The following MPRIP variants were observed in gnomAD, a reference collection of about 807,000 sequenced individuals.
The protein encoded by MPRIP is myosin phosphatase Rho-interacting protein.
In MPRIP, 59 loss-of-function variants were observed where a neutral mutation model predicts 234.9. The ratio of observed to expected loss-of-function variants is 0.25; its 90% CI spans 0.20 to 0.31. The LOEUF is 0.31. Among genes scored for constraint, MPRIP ranks in the 10% least tolerant of loss-of-function variants. The probability of loss-of-function intolerance (pLI) is 1.00; values close to 1 mark genes in which losing one functional copy is unlikely to be tolerated. For missense variants in MPRIP, 2,436 were observed against 3,071.0 expected, an observed-to-expected ratio of 0.79 and a Z score of 4.89; for synonymous variants, 1,144 against 1,263.9, an observed-to-expected ratio of 0.91 and a Z score of 2.01.
At chr17:17,073,121 AC>A (rs2089239092) in intron 1 of MPRIP, among the ~76,000 whole-genome samples, 1 of 151,184 alleles carries the variant, frequency 6.6e-6, no homozygotes, top group Admixed American at 6.6e-5. Context: ...CCAGGCAGCC[AC>A]TCCTCTGCTC....
chr17:17,164,147 G>T lies in MPRIP; in HGVS notation c.2556G>T (p.Arg852Ser), dbSNP rs1234736480. Residue 852 changes from arginine (R) to serine (S), a missense_variant, in exon 16 of 24, where the codon AGG becomes AGT. Transcript: ENST00000651222. ...VAASPSGAWQRLHRVNQDLQS... is the reference protein window; with the variant it reads ...VAASPSGAWQSLHRVNQDLQS... ...CCTCCCCATCGGGTGCCTGGCAGAG[G>T]CTCCATAGAGTCAACCAAGACCTTC... 7.7e-7 allele frequency: 1 copy of T among 1,304,236 alleles called. No individual in the cohort carries two copies. Among genetic ancestry groups the T allele is most frequent in the East Asian group, 5.5e-5 (1 of 18,032 alleles). 80.8% of individuals were successfully genotyped at this position (1,304,236 alleles called of 1,614,324 possible).
rs1171968265 is a variant in MPRIP at position 17,176,981 on chromosome 17, G to A, written c.6958-269G>A. ...GGCCTGGGCACTCAGGGCCACACCA[G>A]GCTGGTCGGGCAATCCCGGAACTGC... On this transcript the variant is annotated intron_variant, in intron 21 of 23. Transcript: ENST00000651222. 2.0e-5 allele frequency among the ~76,000 whole-genome samples: 3 copies of A among 152,232 alleles called. No homozygotes were observed. In the East Asian group the frequency reaches 5.8e-4, roughly 29 times the overall value.
intron 14 of MPRIP, among the ~76,000 whole-genome samples, chr17:17,159,622 A>G (rs2045818756): frequency 6.6e-6 from 1 of 152,228 alleles, no homozygotes; most frequent in South Asian, 2.1e-4. Context: ...CCCCCGAACT[A>G]TAAAATAAGA....
At chr17:17,157,129 A>G (rs907301222) in intron 13 of MPRIP, among the ~76,000 whole-genome samples, 1 of 152,186 alleles carries the variant, frequency 6.6e-6, no homozygotes, top group African/African-American at 2.4e-5. Context: ...TCTAGAGTCT[A>G]CAAACCTTTG....
chr17:17,180,089 G>GTGA lies in MPRIP; in HGVS notation c.7206+2_7206+4dup, dbSNP rs1367164682. ...GCAACTCAGAAACATCAGGTCCAAG[G>GTGA]TGAGTCTGGGGTCCAGCCCCCTGGT... is the stretch of plus-strand genomic sequence containing the variant. On this transcript the variant is annotated splice_donor_variant, in intron 23 of 23. Coordinates refer to ENST00000651222, the MANE Select transcript of MPRIP (RefSeq NM_001364716.4). LOFTEE classifies it high-confidence loss of function. 2 of 1,585,456 alleles carry GTGA rather than the reference G, an allele frequency of 1.3e-6. No individual in the cohort carries two copies. Among genetic ancestry groups the GTGA allele is most frequent in the East Asian group, 4.5e-5 (2 of 44,166 alleles).
chr17:17,093,934 T>C (rs980825982), intron 3 of MPRIP, among the ~76,000 whole-genome samples: 3 of 152,218 alleles, frequency 2.0e-5, no homozygotes, highest in African/African-American at 7.2e-5. Context: ...TTGTTTTTCC[T>C]GGTAATGTTA....
intron 3 of MPRIP, among the ~76,000 whole-genome samples, chr17:17,111,031 G>A (rs1218422447): frequency 6.6e-6 from 1 of 151,828 alleles, no homozygotes; most frequent in East Asian, 1.9e-4. Flanking sequence ...CTGCACTGAT[G>A]TATTAATAAC....
chr17:17,083,993 G>A (rs1050765276), intron 3 of MPRIP, among the ~76,000 whole-genome samples: 2 of 152,120 alleles, frequency 1.3e-5, no homozygotes, highest in Admixed American at 6.5e-5. Context: ...CGCCCGCCTC[G>A]GCCTCCCAGA....
rs535032352 is a variant in MPRIP, at chr17:17,189,646, A to AG, written c.*4753dup. Reference sequence around the variant, plus strand: ...TTAAAGAAAATTTGTCATGTTGATGAGAAGCTTCACTTTCCTGGGAACTTC... The same window carrying AG: ...TTAAAGAAAATTTGTCATGTTGATGAGGAAGCTTCACTTTCCTGGGAACTTC... On this transcript the variant is annotated 3_prime_UTR_variant, in exon 24 of 24. Transcript: ENST00000651222. 4 of 152,250 alleles carry AG rather than the reference A, an allele frequency of 2.6e-5. No individual in the cohort carries two copies. Among genetic ancestry groups the AG allele is most frequent in the Non-Finnish European group, 5.9e-5 (4 of 68,048 alleles). The allele number at this position is 152,250 out of a possible 1,614,324, so 9.4% of individuals were successfully genotyped here. A position where few individuals can be genotyped will look rare whatever the true frequency, so the allele number is the denominator to read the frequency against.
intron 3 of MPRIP, among the ~76,000 whole-genome samples, chr17:17,097,567 C>A (rs1401823471): frequency 6.6e-6 from 1 of 152,240 alleles, no homozygotes; most frequent in East Asian, 1.9e-4. Context: ...TAGCTACACC[C>A]CATTCCATTG....
At chr17:17,154,233 G>A in intron 12 of MPRIP, 73 bp from the exon 13 acceptor site, 3 of 1,318,518 alleles carry the variant, frequency 2.3e-6, no homozygotes, top group Non-Finnish European at 3.3e-6. Flanking sequence ...AGTGCAGGGA[G>A]CTTCTTTGGA....
rs144374939 is a variant in MPRIP at position 17,178,192 on chromosome 17, A to T, written c.7120+780A>T. On this transcript the variant is annotated intron_variant, in intron 22 of 23. Transcript: ENST00000651222. ...GCCACCTTGGCCTCCCAAAGTGCTGAGATTACAGGTGTGAGCCACTGCACC... is the reference window on the plus strand; with the variant it reads ...GCCACCTTGGCCTCCCAAAGTGCTGTGATTACAGGTGTGAGCCACTGCACC... Among the ~76,000 whole-genome samples the T allele has an allele frequency of 4.3e-3, 650 of 152,242 alleles. 3 individuals are homozygous for T. The highest frequency in any genetic ancestry group is 0.014 in the Middle Eastern group (4 of 294).
At position 17,054,925 on chromosome 17, in the gene MPRIP, C is replaced by G. The variant is rs180925517; in HGVS notation, c.123+11954C>G. ...ACATAGCCAAGCTTGGTGGCACATGCCTGTGGTCCCAGCTACTTGGGAGGC... is the reference window on the plus strand; with the variant it reads ...ACATAGCCAAGCTTGGTGGCACATGGCTGTGGTCCCAGCTACTTGGGAGGC... On this transcript the variant is annotated intron_variant, in intron 1 of 23. Transcript: ENST00000651222. Among the ~76,000 whole-genome samples, 49 of 152,084 alleles carry G rather than the reference C, an allele frequency of 3.2e-4. No homozygotes were observed. The East Asian group carries it at 9.3e-3, about 29-fold the overall frequency.
chr17:17,184,361 C>G (rs945318497), intron 23 of MPRIP, among the ~76,000 whole-genome samples: 1 of 152,194 alleles, frequency 6.6e-6, no homozygotes, highest in Non-Finnish European at 1.5e-5. Flanking sequence ...GGCCCTGTCC[C>G]GGGACACCCA....
chr17:17,098,113 A>C (rs555360297), intron 3 of MPRIP, among the ~76,000 whole-genome samples: 2 of 152,130 alleles, frequency 1.3e-5, no homozygotes, highest in African/African-American at 4.8e-5. Context: ...TGCTGGGGCC[A>C]GGCACCAGGG....
In MPRIP at chr17:17,114,101, C is replaced by G. The variant is rs1222572320; in HGVS notation, c.268-12601C>G. Among the ~76,000 whole-genome samples the G allele has an allele frequency of 2.6e-5, 4 of 152,046 alleles. No homozygotes were observed. The East Asian group carries it at 5.8e-4, about 22-fold the overall frequency. ...AGAGATGAGGTCTCACTATCTTGCC[C>G]AGGTTGGTCTCAAACTTCTGGCCCC... is the stretch of plus-strand genomic sequence containing the variant. On this transcript the variant is annotated intron_variant, in intron 3 of 23. Transcript: ENST00000651222.
At chr17:17,170,007 A>G (rs2046095871) in intron 16 of MPRIP, 2 of 151,990 alleles carry the variant, frequency 1.3e-5, no homozygotes, top group Non-Finnish European at 2.9e-5. Flanking sequence ...AAGCACTCAG[A>G]TCAAAATAAG....
chr17:17,161,423 A>G, intron 15 of MPRIP, 67 bp downstream of exon 15: 1 of 1,210,342 alleles, frequency 8.3e-7, no homozygotes, highest in South Asian at 1.5e-5. Flanking sequence ...GTTCATGCTC[A>G]GGCAGGCTAG....
intron 3 of MPRIP, among the ~76,000 whole-genome samples, chr17:17,109,749 TC>T (rs137968961): frequency 0.038 from 5,825 of 152,132 alleles, 326 homozygotes; most frequent in African/African-American, 0.12. Flanking sequence ...GAGGAAATGA[TC>T]AATTCTAGGG....
Sources: gnomAD v4.1 joint callset for allele counts (sites outside exome capture counted in the v4.1 genomes callset) on GRCh38, gnomAD v4.1.1 for gene constraint, MANE v1.5 for transcripts, NCBI Gene and HGNC (gene_info 2026-07-23, HGNC 2026-07-21) for gene names.